Variants in SLC20A2 observed in about 807,000 individuals in gnomAD.
The protein encoded by SLC20A2 is sodium-dependent phosphate transporter 2.
Under a neutral mutation model 61.0 loss-of-function variants are expected in SLC20A2, and 30 were observed. The ratio of observed to expected loss-of-function variants is 0.49; its 90% CI spans 0.37 to 0.67. SLC20A2 has a LOEUF of 0.67. Among genes scored for constraint, SLC20A2 ranks in the 30% least tolerant of loss-of-function variants. SLC20A2 has a pLI of 0.00. For synonymous variants in SLC20A2, 351 were observed against 353.3 expected, an observed-to-expected ratio of 0.99 and a Z score of 0.07; for missense variants, 626 against 866.4, an observed-to-expected ratio of 0.72 and a Z score of 3.48.
At chr8:42,515,893 A>T (rs765934333) in intron 1 of SLC20A2, among the ~76,000 whole-genome samples, 1 of 152,192 alleles carries the variant, frequency 6.6e-6, no homozygotes, top group South Asian at 2.1e-4. Context: ...ACCAACAAAT[A>T]TTGGCAGTGC....
chr8:42,529,862 C>A lies in SLC20A2; in HGVS notation c.-265+11959G>T, dbSNP rs988345789. Among the ~76,000 whole-genome samples, 7 of 152,270 alleles carry A rather than the reference C, an allele frequency of 4.6e-5. No homozygotes were observed. The South Asian group carries it at 1.4e-3, about 32-fold the overall frequency. Reference sequence around the variant, plus strand: ...CTCTCTGAATCGATACAAAATAATACTAATCATAAAATATACACTAAACTT... The same window carrying A: ...CTCTCTGAATCGATACAAAATAATAATAATCATAAAATATACACTAAACTT... On this transcript the variant is annotated intron_variant, in intron 1 of 10. Transcript: ENST00000342228.
Position 42,417,693 on chromosome 8 carries a change from T to G in SLC20A2, c.*110A>C. 1 of 1,217,420 alleles carries G rather than the reference T, an allele frequency of 8.2e-7. No homozygotes were observed. The highest frequency in any genetic ancestry group is 1.2e-6 in the Non-Finnish European group (1 of 853,960). 75.4% of individuals were successfully genotyped at this position (1,217,420 alleles called of 1,614,324 possible). A position where few individuals can be genotyped will look rare whatever the true frequency, so the allele number is the denominator to read the frequency against. ...TGGAAGGGAGGCAGAGAGCTGGTCA[T>G]GAGAGAGCCGTGCACGGCCAGGATG... On this transcript the variant is annotated 3_prime_UTR_variant, in exon 11 of 11. Coordinates refer to ENST00000520262, the MANE Select transcript of SLC20A2 (RefSeq NM_001257180.2).
At chr8:42,484,576 ATCTT>A (rs1236048561) in intron 1 of SLC20A2, 1 of 173,790 alleles carries the variant, frequency 5.8e-6, no homozygotes, top group East Asian at 1.6e-4. Flanking sequence ...GATAAAGATC[ATCTT>A]TCTTGCACTC....
chr8:42,486,274 G>A (rs1809005853), intron 1 of SLC20A2, among the ~76,000 whole-genome samples: 1 of 152,012 alleles, frequency 6.6e-6, no homozygotes, highest in South Asian at 2.1e-4. Context: ...AGGTTGGAGT[G>A]CAGTGGCACG....
Position 42,463,246 on chromosome 8 carries a change from C to T in SLC20A2, c.431-156G>A. The T allele has an allele frequency of 5.7e-6, 3 of 522,636 alleles. No individual in the cohort carries two copies. The Admixed American group carries it at 1.1e-4, about 19-fold the overall frequency. The allele number at this position is 522,636 out of a possible 1,614,324, so 32.4% of individuals were successfully genotyped here. A position where few individuals can be genotyped will look rare whatever the true frequency, so the allele number is the denominator to read the frequency against. The stretch of plus-strand genomic sequence containing the variant: ...ATTCAGAACCTAACAAGCCCTGTGA[C>T]TTGGCAGAGCTGACCTTCACACATT... On this transcript the variant is annotated intron_variant, in intron 3 of 10. Coordinates refer to ENST00000520262, the MANE Select transcript of SLC20A2 (RefSeq NM_001257180.2).
chr8:42,495,285 T>C (rs919849908), intron 1 of SLC20A2, among the ~76,000 whole-genome samples: 5 of 152,162 alleles, frequency 3.3e-5, no homozygotes, highest in Non-Finnish European at 5.9e-5. Flanking sequence ...GAAATGAAAA[T>C]AGCTTTTTGG....
At chr8:42,419,341 G>A (rs924377223) in intron 10 of SLC20A2, among the ~76,000 whole-genome samples, 1 of 151,992 alleles carries the variant, frequency 6.6e-6, no homozygotes, top group African/African-American at 2.4e-5. Flanking sequence ...AGGCCGAGGC[G>A]GGTGGATCAC....
intron 8 of SLC20A2, among the ~76,000 whole-genome samples, chr8:42,436,298 C>T (rs987437615): frequency 6.6e-6 from 1 of 152,066 alleles, no homozygotes; most frequent in Non-Finnish European, 1.5e-5. Flanking sequence ...CGGGCGTACA[C>T]GGCCGCTGCC....
At chr8:42,494,956 C>T (rs1194196314) in intron 1 of SLC20A2, among the ~76,000 whole-genome samples, 6 of 152,070 alleles carry the variant, frequency 3.9e-5, no homozygotes, top group African/African-American at 1.4e-4. Context: ...AAGCAATTCT[C>T]CTGCCTCAGC....
chr8:42,423,479 C>A (rs1367258437), intron 10 of SLC20A2, among the ~76,000 whole-genome samples: 1 of 151,970 alleles, frequency 6.6e-6, no homozygotes, highest in East Asian at 1.9e-4. Context: ...GTGTGAGCCA[C>A]CATGTCAGGT....
At chr8:42,522,904 C>CGGG (rs1327446804) in intron 1 of SLC20A2, among the ~76,000 whole-genome samples, 10 of 86,608 alleles carry the variant, frequency 1.2e-4, no homozygotes, top group African/African-American at 4.5e-4. Context: ...GTAGAGATGG[C>CGGG]GGGGTGGGGG....
chr8:42,483,268 G>A (rs1808690040), intron 1 of SLC20A2, among the ~76,000 whole-genome samples: 1 of 151,700 alleles, frequency 6.6e-6, no homozygotes, highest in Non-Finnish European at 1.5e-5. Flanking sequence ...CTACCAGGGA[G>A]GCTGAGGCGG....
chr8:42,533,949 AC>A (rs2131446114), intron 1 of SLC20A2, among the ~76,000 whole-genome samples: 1 of 99,918 alleles, frequency 1.0e-5, no homozygotes, highest in Admixed American at 9.7e-5. Flanking sequence ...TTCGTTACTT[AC>A]AAAAACTTCT....
At position 42,533,667 on chromosome 8, in the gene SLC20A2, T is replaced by TTTTTTTTTTTTTTTTTTTTTTTC. The variant is rs1563555754; in HGVS notation, c.-265+8153_-265+8154insGAAAAAAAAAAAAAAAAAAAAAA. On this transcript the variant is annotated intron_variant, in intron 1 of 10. Coordinates refer to the SLC20A2 transcript ENST00000342228. ...TGATCAACTGTTCTTTTTTTTTTTT[T>TTTTTTTTTTTTTTTTTTTTTTTC]TTTTTTTTTGAGACGGGAGTCTTAC... Among the ~76,000 whole-genome samples the TTTTTTTTTTTTTTTTTTTTTTTC allele has an allele frequency of 4.3e-4, 54 of 125,138 alleles. 1 individual carries two copies. The highest frequency in any genetic ancestry group is 1.7e-3 in the African/African-American group (53 of 31,030). 82.1% of individuals were successfully genotyped at this position (125,138 alleles called of 152,430 possible).
chr8:42,519,789 T>C (rs1811533371), intron 1 of SLC20A2, among the ~76,000 whole-genome samples: 1 of 152,170 alleles, frequency 6.6e-6, no homozygotes, highest in Non-Finnish European at 1.5e-5. Flanking sequence ...ATGGCTGTCA[T>C]AGTTAGAAGC....
At chr8:42,471,912 C>T (rs1379344675) in intron 2 of SLC20A2, among the ~76,000 whole-genome samples, 190 bp downstream of exon 2, 1 of 152,132 alleles carries the variant, frequency 6.6e-6, no homozygotes. Flanking sequence ...TAAATGGTTG[C>T]CTGATATTTA....
chr8:42,493,731 T>C (rs1356090474), intron 1 of SLC20A2, among the ~76,000 whole-genome samples: 1 of 152,158 alleles, frequency 6.6e-6, no homozygotes, highest in African/African-American at 2.4e-5. Flanking sequence ...CCTCTAATAC[T>C]CCAGAATTAA....
At chr8:42,427,248 G>A (rs1803476681) in intron 10 of SLC20A2, among the ~76,000 whole-genome samples, 1 of 152,218 alleles carries the variant, frequency 6.6e-6, no homozygotes, top group South Asian at 2.1e-4. Context: ...CTATGAAGCT[G>A]GGGAAGCTTC....
At chr8:42,504,610 G>A (rs1008641091), upstream of SLC20A2, among the ~76,000 whole-genome samples, 1 of 151,900 alleles carries the variant, frequency 6.6e-6, no homozygotes, top group Non-Finnish European at 1.5e-5. Context: ...GTGGGAGGCC[G>A]AGGTGGGTGG....
Sources: gnomAD v4.1 joint callset for allele counts (sites outside exome capture counted in the v4.1 genomes callset) on GRCh38, gnomAD v4.1.1 for gene constraint, MANE v1.5 for transcripts, NCBI Gene and HGNC (gene_info 2026-07-23, HGNC 2026-07-21) for gene names.